The following RNF144B variants were observed in gnomAD, a reference collection of about 807,000 sequenced individuals.
The protein encoded by RNF144B is ring finger protein 144B.
A neutral mutation model predicts 40.2 loss-of-function variants in RNF144B; 25 were observed. The observed-to-expected ratio is 0.62, with a 90% CI of 0.45 to 0.87. The LOEUF (loss-of-function observed/expected upper bound fraction) is 0.87, where lower values mean the gene tolerates loss of function less well. Ranked by LOEUF, RNF144B falls within the 40% of genes least tolerant of loss-of-function variation. The pLI is 0.00. For missense variants in RNF144B, 365 were observed against 373.7 expected (o/e 0.98, Z 0.19); for synonymous variants, 145 against 136.3 (o/e 1.06, Z -0.44).
chr6:18,414,999 T>A lies in RNF144B; in HGVS notation c.166-12582T>A, dbSNP rs924738591. Among the ~76,000 whole-genome samples the A allele has an allele frequency of 6.6e-6, 1 of 152,168 alleles. No individual in the cohort carries two copies. Among genetic ancestry groups the A allele is most frequent in the Non-Finnish European group, 1.5e-5 (1 of 68,018 alleles). On this transcript the variant is annotated intron_variant, in intron 2 of 7. Transcript: ENST00000259939. The surrounding 1 kb of genome is among the most constrained non-coding windows in gnomAD (Gnocchi z 4.9). ...TTCATGAATGCTCAAGTCCCTTATA[T>A]AGAATGGTGTAGTATTTGCATGTAA...
At chr6:18,445,949 GGTGTT>G (rs559576568) in intron 4 of RNF144B, among the ~76,000 whole-genome samples, 63 of 152,254 alleles carry the variant, frequency 4.1e-4, no homozygotes, top group African/African-American at 1.5e-3. Context: ...AATAATAAAA[GGTGTT>G]GAAAAAAATA....
chr6:18,437,457 A>C (rs1243206103), intron 3 of RNF144B, among the ~76,000 whole-genome samples: 4 of 152,136 alleles, frequency 2.6e-5, no homozygotes, highest in Non-Finnish European at 5.9e-5. Flanking sequence ...ACAGTAATAC[A>C]AAAGATGCAA....
rs905867757 is a variant in RNF144B, at chr6:18,416,379, G to A, written c.166-11202G>A. Among the ~76,000 whole-genome samples the A allele has an allele frequency of 6.6e-6, 1 of 152,194 alleles. No individual in the cohort carries two copies. The highest frequency in any genetic ancestry group is 2.4e-5 in the African/African-American group (1 of 41,456). On this transcript the variant is annotated intron_variant, in intron 2 of 7. Transcript: ENST00000259939. The surrounding 1 kb of genome is among the most constrained non-coding windows in gnomAD (Gnocchi z 5.5). ...AATGTTCTTCCATTTTAGCAAATTT[G>A]TTTGGCTTTCTTGTGAAGCCTGGAC...
At chr6:18,431,394 G>C (rs1164329483) in intron 3 of RNF144B, among the ~76,000 whole-genome samples, 6 of 152,062 alleles carry the variant, frequency 3.9e-5, no homozygotes, top group Non-Finnish European at 7.4e-5. Context: ...GTTTACATAG[G>C]CCTCCTCCTT....
chr6:18,445,369 A>G (rs1418136825), intron 4 of RNF144B, among the ~76,000 whole-genome samples: 1 of 152,160 alleles, frequency 6.6e-6, no homozygotes, highest in African/African-American at 2.4e-5. Flanking sequence ...TTAAGGTCAG[A>G]TGTGGTCTTT....
In RNF144B at chr6:18,418,569, G is replaced by A. The variant is rs975385706; in HGVS notation, c.166-9012G>A. ...GTGGTTCCCTAGGGCTGTGCATGGA[G>A]GATCTGGGGGAGAAATGGGGAGCAT... On this transcript the variant is annotated intron_variant, in intron 2 of 7. Transcript: ENST00000259939. The surrounding 1 kb of genome is among the most constrained non-coding windows in gnomAD (Gnocchi z 5.2). Among the ~76,000 whole-genome samples, 2 of 152,136 alleles carry A rather than the reference G, an allele frequency of 1.3e-5. No homozygotes were observed. The highest frequency in any genetic ancestry group is 2.9e-5 in the Non-Finnish European group (2 of 68,020).
chr6:18,397,593 T>A (rs1794718719), intron 1 of RNF144B, among the ~76,000 whole-genome samples: 1 of 152,098 alleles, frequency 6.6e-6, no homozygotes. Context: ...TTGGCTGTAG[T>A]TTTTATTTTT....
At chr6:18,437,138 A>C (rs546490180) in intron 3 of RNF144B, among the ~76,000 whole-genome samples, 1 of 152,268 alleles carries the variant, frequency 6.6e-6, no homozygotes, top group African/African-American at 2.4e-5. Context: ...GCTGTCAACA[A>C]ATATTTAGAA....
intron 2 of RNF144B, among the ~76,000 whole-genome samples, chr6:18,407,984 CTTTTTTTT>C (rs370801682): frequency 7.5e-6 from 1 of 133,602 alleles, no homozygotes; most frequent in African/African-American, 2.8e-5. Context: ...CTTTCTTTTT[CTTTTTTTT>C]TTTTTTTTTC....
At chr6:18,415,613 C>T (rs1407052463) in intron 2 of RNF144B, among the ~76,000 whole-genome samples, 3 of 152,154 alleles carry the variant, frequency 2.0e-5, no homozygotes, top group African/African-American at 4.8e-5. Flanking sequence ...CAAATCATAG[C>T]GGATTCTAAC....
In RNF144B at chr6:18,425,802, A is replaced by G. The variant is rs1758535437; in HGVS notation, c.166-1779A>G. Among the ~76,000 whole-genome samples the G allele has an allele frequency of 6.6e-6, 1 of 152,192 alleles. No homozygotes were observed. The highest frequency in any genetic ancestry group is 6.5e-5 in the Admixed American group (1 of 15,274). On this transcript the variant is annotated intron_variant, in intron 2 of 7. Coordinates refer to ENST00000259939, the MANE Select transcript of RNF144B (RefSeq NM_182757.4). This position sits in a 1 kb window ranked among gnomAD's most constrained non-coding sequence, Gnocchi z 4.2. ...TTCATGATTCTGCACATTCTATCGC[A>G]TAAATTTAGCAACATTTATTTCAGT...
intron 2 of RNF144B, among the ~76,000 whole-genome samples, chr6:18,409,561 C>CATTTT (rs547707150): frequency 1.1e-5 from 1 of 93,258 alleles, no homozygotes; most frequent in Non-Finnish European, 2.0e-5. Context: ...CTTGCATAAC[C>CATTTT]TTTTTTTTTT....
rs1554182746 is a variant in RNF144B, at chr6:18,467,407, T to TTTTG, written c.*2343_*2344insGTTT. The TTTTG allele has an allele frequency of 1.3e-4, 17 of 133,238 alleles. No individual in the cohort carries two copies. Among genetic ancestry groups the TTTTG allele is most frequent in the African/African-American group, 4.1e-4 (16 of 38,826 alleles). 8.3% of individuals were successfully genotyped at this position (133,238 alleles called of 1,614,324 possible). A position where few individuals can be genotyped will look rare whatever the true frequency, so the allele number is the denominator to read the frequency against. On this transcript the variant is annotated 3_prime_UTR_variant, in exon 8 of 8. Transcript: ENST00000259939. ...ACTGAATTAGCTGCTTTTGTTTTTT[T>TTTTG]TTTTTTTTTTTTGCCAGGGCTATGG...
intron 3 of RNF144B, among the ~76,000 whole-genome samples, chr6:18,436,143 A>G (rs574717389): frequency 6.6e-6 from 1 of 152,272 alleles, no homozygotes; most frequent in Non-Finnish European, 1.5e-5. Flanking sequence ...CGTCTGTGAT[A>G]TTCTTGCCAA....
chr6:18,411,774 G>A (rs1185512351), intron 2 of RNF144B, among the ~76,000 whole-genome samples: 2 of 151,908 alleles, frequency 1.3e-5, no homozygotes, highest in East Asian at 3.9e-4. Flanking sequence ...GATTACAGGC[G>A]TGAGCCACCA....
chr6:18,458,032 G>A lies in RNF144B; in HGVS notation c.536+673G>A, dbSNP rs570426267. Among the ~76,000 whole-genome samples, 1 of 152,094 alleles carries A rather than the reference G, an allele frequency of 6.6e-6. No individual in the cohort carries two copies. Among genetic ancestry groups the A allele is most frequent in the African/African-American group, 2.4e-5 (1 of 41,482 alleles). On this transcript the variant is annotated intron_variant, in intron 5 of 7. Coordinates refer to ENST00000259939, the MANE Select transcript of RNF144B (RefSeq NM_182757.4). The surrounding 1 kb of genome is among the most constrained non-coding windows in gnomAD (Gnocchi z 4.8). ...GGCTCACTGCAACCACTGCCTCCTG[G>A]GTTCAAGCGATTCTCCTGCCTCAGC...
chr6:18,464,436 C>T lies in RNF144B; in HGVS notation c.772-491C>T, dbSNP rs1351696383. 6.6e-6 allele frequency among the ~76,000 whole-genome samples: 1 copy of T among 152,166 alleles called. No homozygotes were observed. Among genetic ancestry groups the T allele is most frequent in the Admixed American group, 6.5e-5 (1 of 15,282 alleles). On this transcript the variant is annotated intron_variant, in intron 7 of 7. Coordinates refer to ENST00000259939, the MANE Select transcript of RNF144B (RefSeq NM_182757.4). The surrounding 1 kb of genome is among the most constrained non-coding windows in gnomAD (Gnocchi z 6.1). ...AATTCAGATCATTGCTGGGCACTAG[C>T]TGAAAGGTCCCAGAAATGTAACTGT...
intron 3 of RNF144B, among the ~76,000 whole-genome samples, 179 bp downstream of exon 3, chr6:18,427,864 A>T (rs935138452): frequency 2.0e-5 from 3 of 152,216 alleles, no homozygotes; most frequent in Non-Finnish European, 2.9e-5. Context: ...TAAAGCTGTC[A>T]TTTATCTCAG....
At chr6:18,403,169 G>C (rs1582402429) in intron 2 of RNF144B, among the ~76,000 whole-genome samples, 1 of 152,234 alleles carries the variant, frequency 6.6e-6, no homozygotes, top group South Asian at 2.1e-4. Flanking sequence ...CCTTTTCTGG[G>C]TTTGCAATGC....
Sources: gnomAD v4.1 joint callset for allele counts (sites outside exome capture counted in the v4.1 genomes callset) on GRCh38, gnomAD v4.1.1 for gene constraint, Gnocchi (gnomAD v3.1) non-coding constraint, MANE v1.5 for transcripts, NCBI Gene and HGNC (gene_info 2026-07-23, HGNC 2026-07-21) for gene names.